The following ANKRD2 variants were observed in gnomAD, a reference collection of about 807,000 sequenced individuals.
ANKRD2 encodes ankyrin repeat domain 2.
A neutral mutation model predicts 37.3 loss-of-function variants in ANKRD2; 35 were observed. The observed-to-expected ratio is 0.94, with a 90% CI of 0.72 to 1.24. The LOEUF is 1.24. ANKRD2 is among the 50% of genes most tolerant of loss of function. The pLI is 0.00. For missense variants in ANKRD2, 410 were observed against 445.6 expected, an observed-to-expected ratio of 0.92 and a Z score of 0.72; for synonymous variants, 159 against 186.5, an observed-to-expected ratio of 0.85 and a Z score of 1.20.
At chr10:97,575,784 G>A (rs546935644) in intron 1 of ANKRD2, among the ~76,000 whole-genome samples, 85 of 152,200 alleles carry the variant, frequency 5.6e-4, no homozygotes, top group South Asian at 1.5e-3. Flanking sequence ...GGCGGCATGC[G>A]CCTGTAGTCC....
At chr10:97,577,525 G>C (rs1357334688) in intron 1 of ANKRD2, among the ~76,000 whole-genome samples, 1 of 152,226 alleles carries the variant, frequency 6.6e-6, no homozygotes, top group Non-Finnish European at 1.5e-5. Flanking sequence ...ACTCAACTCT[G>C]GTGGCCTTTA....
At chr10:97,579,206 A>G (rs1301231832) in intron 4 of ANKRD2, among the ~76,000 whole-genome samples, 2 of 152,070 alleles carry the variant, frequency 1.3e-5, no homozygotes, top group Non-Finnish European at 2.9e-5. Context: ...GAAAAAAGGA[A>G]TATTAGCACC....
intron 4 of ANKRD2, among the ~76,000 whole-genome samples, chr10:97,579,879 G>T (rs1052360869): frequency 6.6e-6 from 1 of 152,174 alleles, no homozygotes; most frequent in Non-Finnish European, 1.5e-5. Flanking sequence ...TTACAGGCAT[G>T]AGCCACCGTG....
chr10:97,573,175 G>A (rs1047456328), intron 1 of ANKRD2, among the ~76,000 whole-genome samples: 5 of 152,208 alleles, frequency 3.3e-5, no homozygotes, highest in Non-Finnish European at 7.3e-5. Context: ...AGACAGCTGG[G>A]TGCTGCCTGG....
At chr10:97,583,146 T>A (rs149005145) in intron 8 of ANKRD2, among the ~76,000 whole-genome samples, 1 of 152,146 alleles carries the variant, frequency 6.6e-6, no homozygotes, top group Non-Finnish European at 1.5e-5. Flanking sequence ...AGGGAACACC[T>A]TGGACTAGGG....
chr10:97,583,463 C>T, intron 8 of ANKRD2, 113 bp from the exon 9 acceptor site: 2 of 1,037,824 alleles, frequency 1.9e-6, no homozygotes, highest in East Asian at 2.9e-5. Context: ...ATGCCAGTTG[C>T]CCCCATTTGA....
At chr10:97,573,024 A>G in intron 1 of ANKRD2, 149 bp downstream of exon 1, 1 of 1,072,714 alleles carries the variant, frequency 9.3e-7, no homozygotes, top group Non-Finnish European at 1.3e-6. Context: ...GTCCCAGGGT[A>G]TTACTGGCAG....
At chr10:97,581,806 C>G (rs988280591) in intron 6 of ANKRD2, among the ~76,000 whole-genome samples, 4 of 152,188 alleles carry the variant, frequency 2.6e-5, no homozygotes, top group Non-Finnish European at 5.9e-5. Context: ...TATTCATCCC[C>G]TCATTCATTT....
chr10:97,578,288 A>T lies in ANKRD2; in HGVS notation c.238A>T (p.Ile80Phe). 6.2e-7 allele frequency: 1 copy of T among 1,612,874 alleles called. No individual in the cohort carries two copies. Among genetic ancestry groups the T allele is most frequent in the South Asian group, 1.1e-5 (1 of 91,052 alleles). ...KTSLDLRREI[I>F]DVGGIQNLIE... ...GTCCCTGGACCTGCGGCGGGAGATC[A>T]TCGATGTGGGCGGGATCCAGAACCT... The change falls in exon 3 of 9, where the codon ATC becomes TTC. Residue 80 changes from isoleucine (I) to phenylalanine (F), a missense_variant. By Grantham distance (21) the Ile-to-Phe change is conservative (BLOSUM62 0). Coordinates refer to ENST00000370655, the MANE Select transcript of ANKRD2 (RefSeq NM_001346793.2).
At position 97,581,373 on chromosome 10, in the gene ANKRD2, C is replaced by A. The variant is rs545029249; in HGVS notation, c.613C>A (p.Leu205Ile). The A allele has an allele frequency of 1.3e-5, 21 of 1,614,160 alleles. No homozygotes were observed. The highest frequency in any genetic ancestry group is 2.2e-5 in the South Asian group (2 of 91,084). The change falls in exon 6 of 9, where the codon CTT becomes ATT. Residue 205 changes from leucine to isoleucine, a missense_variant. Coordinates refer to ENST00000370655, the MANE Select transcript of ANKRD2 (RefSeq NM_001346793.2). Reference protein sequence around the residue: ...CRGGHLEVVKLLQSHGADTNV... With the variant: ...CRGGHLEVVKILQSHGADTNV... ...CGGGGGCCACTTAGAGGTGGTGAAACTTCTGCAAAGCCATGGAGCAGACAC... is the reference window on the plus strand; with the variant it reads ...CGGGGGCCACTTAGAGGTGGTGAAAATTCTGCAAAGCCATGGAGCAGACAC...
chr10:97,583,708 C>T lies in ANKRD2; in HGVS notation c.985C>T (p.Pro329Ser). 1.3e-6 allele frequency: 2 copies of T among 1,563,846 alleles called. No individual in the cohort carries two copies. Among genetic ancestry groups the T allele is most frequent in the Non-Finnish European group, 1.7e-6 (2 of 1,156,050 alleles). ...PNDSGRETPQ[P>S]VPAQ ...TGATAGTGGGCGAGAGACCCCTCAG[C>T]CTGTGCCAGCCCAGTGAATGCGTGC... Residue 329 changes from proline to serine, a missense_variant, in exon 9 of 9, where the codon CCT (proline) becomes TCT (serine). Transcript: ENST00000370655.
intron 2 of ANKRD2, 138 bp downstream of exon 2, chr10:97,578,039 G>A (rs1405386120): frequency 1.9e-6 from 2 of 1,079,396 alleles, no homozygotes; most frequent in East Asian, 2.6e-5. Flanking sequence ...CAGAATCTCC[G>A]CCCCGTCCCA....
chr10:97,580,148 G>A (rs1183580830), intron 4 of ANKRD2, among the ~76,000 whole-genome samples: 1 of 151,958 alleles, frequency 6.6e-6, no homozygotes, highest in East Asian at 1.9e-4. Context: ...ACCATGCTAG[G>A]TGCCAGAATA....
chr10:97,582,771 C>A, intron 8 of ANKRD2, 69 bp downstream of exon 8: 3 of 1,441,354 alleles, frequency 2.1e-6, no homozygotes, highest in South Asian at 1.2e-5. Flanking sequence ...CTGTCCTGGT[C>A]CCTGGAGCAG....
chr10:97,576,937 ATCCACCTGCCTC>A (rs2040834311), intron 1 of ANKRD2, among the ~76,000 whole-genome samples: 2 of 152,072 alleles, frequency 1.3e-5, no homozygotes, highest in Admixed American at 1.3e-4. Context: ...GGCTCAAGCA[ATCCACCTGCCTC>A]GGCCTCCCAA....
intron 5 of ANKRD2, 22 bp from the exon 6 acceptor site, chr10:97,581,294 A>G (rs373416347): frequency 8.7e-6 from 14 of 1,609,848 alleles, no homozygotes; most frequent in Middle Eastern, 1.6e-4. Flanking sequence ...CTCTGTAGTT[A>G]GACCCCCTCA....
Position 97,572,785 on chromosome 10 carries a change from G to A in ANKRD2, c.-4G>A, listed in dbSNP as rs761259124. On this transcript the variant is annotated 5_prime_UTR_variant, in exon 1 of 9. Transcript: ENST00000370655. ...CCGAGGCCCTGTGGCCTGCAGAGGC[G>A]GTTATGGACGGCACCATGGAGGACT... The A allele has an allele frequency of 1.4e-5, 23 of 1,590,712 alleles. No individual in the cohort carries two copies. Among genetic ancestry groups the A allele is most frequent in the South Asian group, 9.2e-5 (8 of 87,144 alleles).
intron 6 of ANKRD2, among the ~76,000 whole-genome samples, chr10:97,581,705 A>G (rs569680168): frequency 6.6e-6 from 1 of 152,354 alleles, no homozygotes; most frequent in South Asian, 2.1e-4. Context: ...ACCACTCAAA[A>G]GATGCAAGAT....
intron 1 of ANKRD2, among the ~76,000 whole-genome samples, chr10:97,575,894 G>C (rs1046255342): frequency 2.0e-5 from 3 of 147,026 alleles, no homozygotes; most frequent in African/African-American, 7.4e-5. Context: ...CTGGGTGACA[G>C]AGTGGGACTC....
Sources: allele counts gnomAD v4.1 joint callset (sites outside exome capture counted in the v4.1 genomes callset), GRCh38; gene constraint gnomAD v4.1.1; transcripts MANE v1.5; gene names NCBI Gene and HGNC (gene_info 2026-07-23, HGNC 2026-07-21).